The following LRRC75A variants were observed in gnomAD, a reference collection of about 807,000 sequenced individuals.
The protein encoded by LRRC75A is leucine rich repeat containing 75A.
A neutral mutation model predicts 26.0 loss-of-function variants in LRRC75A; 12 were observed. That is an observed-to-expected ratio of 0.46 (90% CI 0.30 to 0.75). The LOEUF is 0.75. Ranked by LOEUF, LRRC75A falls within the 30% of genes least tolerant of loss-of-function variation. LRRC75A has a pLI of 0.08. For missense variants in LRRC75A, 410 were observed against 486.6 expected, an observed-to-expected ratio of 0.84 and a Z score of 1.48; for synonymous variants, 223 against 219.3, an observed-to-expected ratio of 1.02 and a Z score of -0.15.
chr17:16,448,667 T>C (rs2093606428), intron 2 of LRRC75A, among the ~76,000 whole-genome samples: 1 of 152,130 alleles, frequency 6.6e-6, no homozygotes, highest in East Asian at 1.9e-4. Flanking sequence ...AAGAGGTGAC[T>C]AAGGTAAAAT....
rs367728019 is a variant in LRRC75A, at chr17:16,476,712, C to A, written c.247-14326G>T. 8.0e-5 allele frequency among the ~76,000 whole-genome samples: 12 copies of A among 149,220 alleles called. No individual in the cohort carries two copies. The East Asian group carries it at 1.8e-3, about 22-fold the overall frequency. ...TTTCGAGTAGCTGAGATTACAGGTG[C>A]CCGTCACCATGCCTGGCTGATTTTT... On this transcript the variant is annotated intron_variant, in intron 1 of 3. Transcript: ENST00000470794.
intron 2 of LRRC75A, among the ~76,000 whole-genome samples, chr17:16,459,702 A>G (rs2093712838): frequency 6.6e-6 from 1 of 152,184 alleles, no homozygotes; most frequent in South Asian, 2.1e-4. Flanking sequence ...TAGACCCATA[A>G]CGTGGGCTGA....
Position 16,462,504 on chromosome 17 carries a change from G to A in LRRC75A, c.247-118C>T. On this transcript the variant is annotated intron_variant, in intron 1 of 3. Coordinates refer to ENST00000470794, the MANE Select transcript of LRRC75A (RefSeq NM_001113567.3). This position sits in a 1 kb window ranked among gnomAD's most constrained non-coding sequence, Gnocchi z 4.6. Reference sequence around the variant, plus strand: ...CGACTCTGCCTCCCAGAGCCCCGGTGGGGAGCATCTGCAGAACTTCCCTCA... The same window carrying A: ...CGACTCTGCCTCCCAGAGCCCCGGTAGGGAGCATCTGCAGAACTTCCCTCA... 7.3e-6 allele frequency: 10 copies of A among 1,372,182 alleles called. No individual in the cohort carries two copies. Among genetic ancestry groups the A allele is most frequent in the Non-Finnish European group, 9.9e-6 (10 of 1,014,130 alleles). 85.0% of individuals were successfully genotyped at this position (1,372,182 alleles called of 1,614,324 possible).
At chr17:16,479,766 T>C (rs2143401128) in intron 1 of LRRC75A, among the ~76,000 whole-genome samples, 1 of 152,384 alleles carries the variant, frequency 6.6e-6, no homozygotes, top group Middle Eastern at 3.4e-3. Context: ...CTTCAGGTCA[T>C]GGTCCTGCTC....
At chr17:16,449,815 C>T (rs1263296148) in intron 2 of LRRC75A, among the ~76,000 whole-genome samples, 2 of 152,152 alleles carry the variant, frequency 1.3e-5, no homozygotes, top group Non-Finnish European at 2.9e-5. Context: ...TGGGGTTTCA[C>T]CATGTTGGTC....
intron 2 of LRRC75A, among the ~76,000 whole-genome samples, chr17:16,461,573 T>C (rs2093727740): frequency 6.6e-6 from 1 of 152,116 alleles, no homozygotes; most frequent in African/African-American, 2.4e-5. Context: ...TGGAGAGCCA[T>C]GGAGCTTTCC....
chr17:16,444,037 A>G lies in LRRC75A; in HGVS notation c.586T>C (p.Tyr196His). The change falls in exon 4 of 4, where the codon TAC becomes CAC. Residue 196 changes from tyrosine to histidine, a missense_variant. Physicochemically the swap from Tyr to His is moderately conservative, Grantham distance 83. Coordinates refer to ENST00000470794, the MANE Select transcript of LRRC75A (RefSeq NM_001113567.3). ...ACCTGCTCCCCACAGCGCTGTAGGT[A>G]GCTGGTCACCCGCTCCAGGTCTCGG... is the stretch of plus-strand genomic sequence containing the variant. ...TSRDLERVTS[Y>H]LQRCGEQVDS... The G allele has an allele frequency of 6.2e-7, 1 of 1,613,598 alleles. No individual in the cohort carries two copies. The highest frequency in any genetic ancestry group is 8.5e-7 in the Non-Finnish European group (1 of 1,179,820).
chr17:16,479,865 A>C (rs115518150), intron 1 of LRRC75A, among the ~76,000 whole-genome samples: 1 of 152,220 alleles, frequency 6.6e-6, no homozygotes, highest in Non-Finnish European at 1.5e-5. Flanking sequence ...AAAAAGTGTC[A>C]TTTGGAGCAG....
intron 3 of LRRC75A, among the ~76,000 whole-genome samples, chr17:16,444,663 C>T (rs2093565388): frequency 6.6e-6 from 1 of 151,864 alleles, no homozygotes; most frequent in Non-Finnish European, 1.5e-5. Context: ...GGGCTCTGAG[C>T]CTGGTGGCAG....
intron 1 of LRRC75A, among the ~76,000 whole-genome samples, chr17:16,471,616 T>C (rs1447938117): frequency 1.3e-5 from 2 of 152,236 alleles, no homozygotes; most frequent in Non-Finnish European, 2.9e-5. Flanking sequence ...GGGTACACTC[T>C]CCTTTGCTGT....
chr17:16,452,281 G>A (rs1027539795), intron 2 of LRRC75A, among the ~76,000 whole-genome samples: 5 of 149,498 alleles, frequency 3.3e-5, no homozygotes, highest in African/African-American at 5.0e-5. Context: ...CTTGAGCCCC[G>A]AAAGTGAAGG....
intron 1 of LRRC75A, among the ~76,000 whole-genome samples, chr17:16,484,012 T>C (rs185345954): frequency 5.8e-4 from 88 of 152,358 alleles, no homozygotes; most frequent in Non-Finnish European, 1.1e-3. Context: ...CCACCATTTT[T>C]ACTTTAAGCA....
At chr17:16,461,480 G>T (rs1055140833) in intron 2 of LRRC75A, among the ~76,000 whole-genome samples, 1 of 152,258 alleles carries the variant, frequency 6.6e-6, no homozygotes, top group Non-Finnish European at 1.5e-5. Context: ...GGGCTGCATA[G>T]CCCTGGGGGA....
At chr17:16,447,755 T>G in intron 3 of LRRC75A, 90 bp downstream of exon 3, 3 of 1,000,584 alleles carry the variant, frequency 3.0e-6, no homozygotes, top group Non-Finnish European at 4.3e-6. Flanking sequence ...CCCCCATGAC[T>G]CCGCCCTTCC....
chr17:16,491,739 G>T lies in LRRC75A; in HGVS notation c.246+6C>A. 1 of 1,348,442 alleles carries T rather than the reference G, an allele frequency of 7.4e-7. No homozygotes were observed. Among genetic ancestry groups the T allele is most frequent in the Non-Finnish European group, 9.5e-7 (1 of 1,052,096 alleles). 83.5% of individuals were successfully genotyped at this position (1,348,442 alleles called of 1,614,324 possible). ...CGCGCCCCCCGCGCCCCCTCCCCGC[G>T]CTCACCTGGCGCAGGTGCTGCAGCA... On this transcript the variant is annotated splice_donor_region_variant and intron_variant, in intron 1 of 3. Coordinates refer to ENST00000470794, the MANE Select transcript of LRRC75A (RefSeq NM_001113567.3). This position sits in a 1 kb window ranked among gnomAD's most constrained non-coding sequence, Gnocchi z 5.9.
intron 2 of LRRC75A, among the ~76,000 whole-genome samples, chr17:16,456,654 G>C (rs2093687944): frequency 6.6e-6 from 1 of 152,188 alleles, no homozygotes; most frequent in Non-Finnish European, 1.5e-5. Context: ...GAGGGAGGCA[G>C]GGTAGAGCAG....
rs527875409 is a variant in LRRC75A, at chr17:16,465,790, G to A, written c.247-3404C>T. Among the ~76,000 whole-genome samples, 3 of 152,366 alleles carry A rather than the reference G, an allele frequency of 2.0e-5. No individual in the cohort carries two copies. The South Asian group carries it at 6.2e-4, about 32-fold the overall frequency. ...CCCCCTGGTTGCCCAGCTGCTGACT[G>A]TGGCTCTGCCTCTCTGGAGCACTGT... On this transcript the variant is annotated intron_variant, in intron 1 of 3. Transcript: ENST00000470794.
rs144086360 is a variant in LRRC75A, at chr17:16,445,445, G to C, written c.492-1314C>G. 2.8e-3 allele frequency among the ~76,000 whole-genome samples: 431 copies of C among 152,256 alleles called. 1 individual carries two copies. Among genetic ancestry groups the C allele is most frequent in the African/African-American group, 9.7e-3 (402 of 41,550 alleles). ...CTCCCAAAGTGCTGGGATCACAGGT[G>C]TGAGCCACCGTGCCCGGCCCCATTT... is the stretch of plus-strand genomic sequence containing the variant. On this transcript the variant is annotated intron_variant, in intron 3 of 3. Coordinates refer to ENST00000470794, the MANE Select transcript of LRRC75A (RefSeq NM_001113567.3).
chr17:16,454,243 T>C (rs2351091), intron 2 of LRRC75A, among the ~76,000 whole-genome samples: 53,030 of 151,090 alleles, frequency 0.35, 9,686 homozygotes, highest in Non-Finnish European at 0.38. Context: ...ATACAAAAAA[T>C]TAGCTAGGCA....
Sources: gnomAD v4.1 joint callset for allele counts (sites outside exome capture counted in the v4.1 genomes callset) on GRCh38, gnomAD v4.1.1 for gene constraint, Gnocchi (gnomAD v3.1) non-coding constraint, MANE v1.5 for transcripts, NCBI Gene and HGNC (gene_info 2026-07-23, HGNC 2026-07-21) for gene names.